PPEF1: variants seen among roughly 807,000 people sequenced by gnomAD.
The protein encoded by PPEF1 is serine/threonine-protein phosphatase with EF-hands 1.
Under a neutral mutation model 53.3 loss-of-function variants are expected in PPEF1, and 12 were observed. The observed-to-expected ratio is 0.23, with a 90% CI of 0.14 to 0.36. PPEF1 has a LOEUF of 0.36. Among genes scored for constraint, PPEF1 ranks in the 10% least tolerant of loss-of-function variants. PPEF1 has a pLI of 1.00. For missense variants in PPEF1, 334 were observed against 490.4 expected (o/e 0.68, Z 3.01); for synonymous variants, 165 against 176.7 (o/e 0.93, Z 0.52).
intron 6 of PPEF1, among the ~76,000 whole-genome samples, chrX:18,772,643 C>G (rs1299280928): frequency 8.9e-6 from 1 of 112,001 alleles, no homozygotes; most frequent in African/African-American, 3.2e-5. Context: ...CAAATTACCT[C>G]AATACTTAAT....
chrX:18,771,560 GAAGTC>G (rs1443499415), intron 6 of PPEF1, among the ~76,000 whole-genome samples: 4 of 110,835 alleles, frequency 3.6e-5, no homozygotes, highest in African/African-American at 1.3e-4. Context: ...AGAGTTCTTT[GAAGTC>G]AAGTACGAGA....
intron 5 of PPEF1, among the ~76,000 whole-genome samples, chrX:18,759,523 C>G (rs1396678226): frequency 9.0e-6 from 1 of 111,655 alleles, no homozygotes; most frequent in Non-Finnish European, 1.9e-5. Flanking sequence ...ATTCTGCACT[C>G]ATGTTTTTGT....
chrX:18,680,089 CAA>C (rs756924550), upstream of PPEF1, among the ~76,000 whole-genome samples: 23 of 52,946 alleles, frequency 4.3e-4, no homozygotes, highest in Admixed American at 2.4e-4. Context: ...ACCCTGTCCT[CAA>C]AAAAAAAAAA....
At chrX:18,742,567 G>A (rs2147428046) in intron 3 of PPEF1, among the ~76,000 whole-genome samples, 1 of 111,296 alleles carries the variant, frequency 9.0e-6, no homozygotes, top group East Asian at 2.8e-4. Context: ...TATTAACTTG[G>A]TTACCTCTCG....
intron 13 of PPEF1, among the ~76,000 whole-genome samples, chrX:18,819,147 A>G (rs1009816803): frequency 8.9e-6 from 1 of 111,785 alleles, no homozygotes; most frequent in Non-Finnish European, 1.9e-5. Flanking sequence ...TTACCAAACA[A>G]ACAAGGATAC....
chrX:18,757,703 A>G lies in PPEF1; in HGVS notation c.473A>G (p.His158Arg), dbSNP rs139177611. 4 of 1,208,893 alleles carry G rather than the reference A, an allele frequency of 3.3e-6. No individual in the cohort carries two copies. The African/African-American group carries it at 7.0e-5, about 21-fold the overall frequency. The change falls in exon 5 of 16, where the codon CAC becomes CGC. Residue 158 changes from histidine to arginine, a missense_variant. Coordinates refer to ENST00000470157, the MANE Select transcript of PPEF1 (RefSeq NM_001377996.1). ...KVLKQMPNFT[H>R]IQTSPSKEVT... ...CTGAAGCAAATGCCGAATTTCACTCACATACAAACTTCTCCCTCCAAAGAG... is the reference window on the plus strand; with the variant it reads ...CTGAAGCAAATGCCGAATTTCACTCGCATACAAACTTCTCCCTCCAAAGAG...
intron 4 of PPEF1, among the ~76,000 whole-genome samples, chrX:18,691,284 T>A (rs1929367172): frequency 8.9e-6 from 1 of 112,151 alleles, no homozygotes; most frequent in African/African-American, 3.2e-5. Context: ...CTGGGTCACC[T>A]TGATGTGCTG....
At chrX:18,755,986 T>C (rs776093004) in intron 4 of PPEF1, among the ~76,000 whole-genome samples, 1 of 111,405 alleles carries the variant, frequency 9.0e-6, no homozygotes, top group Admixed American at 9.6e-5. Flanking sequence ...TGTGGTTATA[T>C]TGATTTTTGT....
At position 18,779,787 on chromosome X, in the gene PPEF1, C is replaced by G. The variant is rs150251256; in HGVS notation, c.725+611C>G. Among the ~76,000 whole-genome samples the G allele has an allele frequency of 8.3e-3, 927 of 111,578 alleles. 11 individuals carry two copies. Among genetic ancestry groups the G allele is most frequent in the African/African-American group, 0.029 (881 of 30,743 alleles). On this transcript the variant is annotated intron_variant, in intron 7 of 15. Coordinates refer to ENST00000470157, the MANE Select transcript of PPEF1 (RefSeq NM_001377996.1). ...CCTTTTCCCTTCTTTTTTTCTTCTTCTTTTAAAAAATCTCTTGTTTTATGA... is the reference window on the plus strand; with the variant it reads ...CCTTTTCCCTTCTTTTTTTCTTCTTGTTTTAAAAAATCTCTTGTTTTATGA...
chrX:18,706,087 G>A (rs1466962239), upstream of PPEF1, among the ~76,000 whole-genome samples: 1 of 108,229 alleles, frequency 9.2e-6, no homozygotes, highest in Non-Finnish European at 1.9e-5. Context: ...CGGCAACATA[G>A]GGAGACCCTG....
chrX:18,742,309 G>A (rs901039493), intron 3 of PPEF1, among the ~76,000 whole-genome samples: 2 of 111,445 alleles, frequency 1.8e-5, no homozygotes, highest in African/African-American at 6.5e-5. Context: ...AAATATGTAT[G>A]CATTTATTTG....
At chrX:18,819,277 A>G (rs917961541) in intron 13 of PPEF1, among the ~76,000 whole-genome samples, 5 of 112,592 alleles carry the variant, frequency 4.4e-5, no homozygotes, top group African/African-American at 1.6e-4. Flanking sequence ...GCATTTGGGA[A>G]TGATTTGAAG....
Position 18,779,135 on chromosome X carries a change from C to A in PPEF1, c.684C>A (p.His228Gln). ...VSFLVYPNDL[H>Q]LNRGNHEDFM... ...TTCTTGTCTACCCCAATGACCTGCA[C>A]TTGAACAGAGGGAACCACGAAGATT... Residue 228 changes from histidine (H) to glutamine (Q), a missense_variant, in exon 7 of 16, where the codon CAC becomes CAA. Coordinates refer to ENST00000470157, the MANE Select transcript of PPEF1 (RefSeq NM_001377996.1). 1 of 1,208,728 alleles carries A rather than the reference C, an allele frequency of 8.3e-7. No homozygotes were observed. The highest frequency in any genetic ancestry group is 1.1e-6 in the Non-Finnish European group (1 of 893,649).
intron 1 of PPEF1, among the ~76,000 whole-genome samples, chrX:18,677,079 C>G (rs1195255323): frequency 6.7e-5 from 7 of 104,586 alleles, no homozygotes; most frequent in Admixed American, 6.3e-4. Flanking sequence ...CGCTCTGTTG[C>G]CCAGGCCGGA....
intron 7 of PPEF1, among the ~76,000 whole-genome samples, chrX:18,780,911 C>G (rs1283116056): frequency 2.7e-5 from 3 of 110,242 alleles, no homozygotes; most frequent in Non-Finnish European, 5.7e-5. Context: ...AAAAAATTAG[C>G]CGGGCATAGT....
rs184381445 is a variant in PPEF1 at position 18,806,112 on chromosome X, A to G, written c.1252-291A>G. Reference sequence around the variant, plus strand: ...CTTGGAAAAAGAATTTGCAAAATCAAACATTAAAGAGGATTCTGAGATTTG... The same window carrying G: ...CTTGGAAAAAGAATTTGCAAAATCAGACATTAAAGAGGATTCTGAGATTTG... On this transcript the variant is annotated intron_variant, in intron 11 of 15. Transcript: ENST00000470157. Among the ~76,000 whole-genome samples, 28 of 111,430 alleles carry G rather than the reference A, an allele frequency of 2.5e-4. No individual in the cohort carries two copies. In the East Asian group the frequency reaches 7.4e-3, roughly 29 times the overall value.
intron 3 of PPEF1, among the ~76,000 whole-genome samples, chrX:18,745,278 A>G (rs1005346727): frequency 2.9e-5 from 3 of 102,712 alleles, no homozygotes; most frequent in Non-Finnish European, 5.9e-5. Flanking sequence ...CAGTAACATG[A>G]TCATGGCTCA....
chrX:18,818,089 T>C lies in PPEF1; in HGVS notation c.1445T>C (p.Ile482Thr), dbSNP rs777229450. ...SAIKILRERV[I>T]SRKSDLTRAF... is the part of the protein sequence containing the mutation. ...ATCAAGATATTAAGAGAGAGAGTGA[T>C]TTCACGAAAAAGTGACCTTACTCGT... The change falls in exon 13 of 16, where the codon ATT becomes ACT. Residue 482 changes from isoleucine to threonine, a missense_variant. Transcript: ENST00000470157. The C allele has an allele frequency of 8.3e-7, 1 of 1,207,256 alleles. No homozygotes were observed. Among genetic ancestry groups the C allele is most frequent in the Non-Finnish European group, 1.1e-6 (1 of 893,064 alleles).
Position 18,811,224 on chromosome X carries a change from T to C in PPEF1, c.1394+4679T>C, listed in dbSNP as rs374468625. Among the ~76,000 whole-genome samples, 12 of 110,967 alleles carry C rather than the reference T, an allele frequency of 1.1e-4. No individual in the cohort carries two copies. The East Asian group carries it at 3.1e-3, about 29-fold the overall frequency. ...TGCGCCACCATGCCCAGCTAATTTG[T>C]GTATGTTTAGTAGAGATGAGGTTTC... On this transcript the variant is annotated intron_variant, in intron 12 of 15. Coordinates refer to ENST00000470157, the MANE Select transcript of PPEF1 (RefSeq NM_001377996.1).
Sources: allele counts gnomAD v4.1 joint callset (sites outside exome capture counted in the v4.1 genomes callset), GRCh38; gene constraint gnomAD v4.1.1; transcripts MANE v1.5; gene names NCBI Gene and HGNC (gene_info 2026-07-23, HGNC 2026-07-21).